PRKN: variants seen among roughly 807,000 people sequenced by gnomAD.
PRKN encodes parkin RBR E3 ubiquitin protein ligase.
PRKN carries 56 observed loss-of-function variants against 59.5 expected under a neutral mutation model. The ratio of observed to expected loss-of-function variants is 0.94; its 90% CI spans 0.76 to 1.18. PRKN has a LOEUF of 1.18. PRKN is among the 50% of genes most tolerant of loss of function. The pLI, the probability that PRKN is intolerant of heterozygous loss-of-function variation, is 0.00. For synonymous variants in PRKN, 250 were observed against 222.1 expected, an observed-to-expected ratio of 1.13 and a Z score of -1.12; for missense variants, 657 against 596.4, an observed-to-expected ratio of 1.10 and a Z score of -1.06.
intron 4 of PRKN, among the ~76,000 whole-genome samples, chr6:162,114,660 C>G (rs1373348333): frequency 6.7e-6 from 1 of 150,098 alleles, no homozygotes; most frequent in Non-Finnish European, 1.5e-5. Context: ...AAAAAACAAA[C>G]AACCCTATCA....
intron 1 of PRKN, among the ~76,000 whole-genome samples, chr6:162,622,444 A>G (rs1341526681): frequency 6.6e-6 from 1 of 151,994 alleles, no homozygotes; most frequent in Non-Finnish European, 1.5e-5. Context: ...TTGGCCTTTC[A>G]AAGTGCTAGG....
intron 2 of PRKN, among the ~76,000 whole-genome samples, chr6:162,338,668 C>G (rs554691190): frequency 1.3e-5 from 2 of 152,022 alleles, no homozygotes; most frequent in Non-Finnish European, 2.9e-5. Context: ...TCTGCCCGGC[C>G]GCCACCCTGT....
At chr6:162,188,778 G>A (rs201351596) in intron 4 of PRKN, among the ~76,000 whole-genome samples, 2 of 139,238 alleles carry the variant, frequency 1.4e-5, no homozygotes, top group Non-Finnish European at 3.1e-5. Flanking sequence ...CTTAGATTTC[G>A]TTTTTTTTTT....
At chr6:162,141,228 G>C (rs1243740900) in intron 4 of PRKN, among the ~76,000 whole-genome samples, 2 of 152,126 alleles carry the variant, frequency 1.3e-5, no homozygotes, top group Middle Eastern at 6.3e-3. Context: ...TCACGTTTTT[G>C]TAAACTTTGA....
intron 4 of PRKN, among the ~76,000 whole-genome samples, chr6:162,107,227 G>A (rs1262780060): frequency 6.6e-6 from 1 of 152,224 alleles, no homozygotes; most frequent in Non-Finnish European, 1.5e-5. Flanking sequence ...CACTTTGGGA[G>A]GCCAAAGGGG....
chr6:161,856,084 G>T (rs1036683270), intron 6 of PRKN, among the ~76,000 whole-genome samples: 1 of 152,188 alleles, frequency 6.6e-6, no homozygotes, highest in African/African-American at 2.4e-5. Context: ...GATCTGCTAG[G>T]TGCGGTGGCT....
In PRKN at chr6:162,236,001, G is replaced by GA. The variant is rs745706572; in HGVS notation, c.412+26523dup. 9.9e-5 allele frequency among the ~76,000 whole-genome samples: 12 copies of GA among 121,278 alleles called. No individual in the cohort carries two copies. In the East Asian group the frequency reaches 1.5e-3, roughly 15 times the overall value. 79.6% of individuals were successfully genotyped at this position (121,278 alleles called of 152,430 possible). On this transcript the variant is annotated intron_variant, in intron 3 of 11. Coordinates refer to ENST00000366898, the MANE Select transcript of PRKN (RefSeq NM_004562.3). ...AGAAAGAAAGAAAGAAAGAAAGAAAGAAAGAAAGAAAGAAAGAAAGAAACT... is the reference window on the plus strand; with the variant it reads ...AGAAAGAAAGAAAGAAAGAAAGAAAGAAAAGAAAGAAAGAAAGAAAGAAACT...
chr6:162,510,586 C>T (rs1300013078), intron 1 of PRKN, among the ~76,000 whole-genome samples: 1 of 152,130 alleles, frequency 6.6e-6, no homozygotes, highest in African/African-American at 2.4e-5. Flanking sequence ...AGCCTCTGTT[C>T]CCTTTTCAAT....
At chr6:161,858,725 A>ACAGAG (rs1192852738) in intron 6 of PRKN, among the ~76,000 whole-genome samples, 2 of 151,946 alleles carry the variant, frequency 1.3e-5, no homozygotes, top group Non-Finnish European at 2.9e-5. Flanking sequence ...CATGCTCCCC[A>ACAGAG]CAGAGGAGGA....
At chr6:161,590,546 A>ATG (rs1781681638) in intron 7 of PRKN, among the ~76,000 whole-genome samples, 1 of 152,150 alleles carries the variant, frequency 6.6e-6, no homozygotes, top group African/African-American at 2.4e-5. Flanking sequence ...CAGTCTGGCC[A>ATG]ACATAGTGAA....
Position 162,207,103 on chromosome 6 carries a change from T to A in PRKN, c.413-5851A>T, listed in dbSNP as rs943223544. ...AAAGATGGGGATCGGCCTGCCGCAG[T>A]GACTCAAGCCTGTAATCCCAGCACT... On this transcript the variant is annotated intron_variant, in intron 3 of 11. Transcript: ENST00000366898. Among the ~76,000 whole-genome samples the A allele has an allele frequency of 4.6e-5, 7 of 152,236 alleles. No individual in the cohort carries two copies. The South Asian group carries it at 1.5e-3, about 32-fold the overall frequency.
chr6:162,140,094 A>C (rs940570212), intron 4 of PRKN, among the ~76,000 whole-genome samples: 1 of 152,220 alleles, frequency 6.6e-6, no homozygotes, highest in Non-Finnish European at 1.5e-5. Context: ...AAAACAGTTC[A>C]GCAGAATTAG....
At chr6:161,374,380 G>A (rs1041965417) in intron 10 of PRKN, among the ~76,000 whole-genome samples, 2 of 149,992 alleles carry the variant, frequency 1.3e-5, no homozygotes, top group African/African-American at 4.9e-5. Context: ...GTGTATGTGT[G>A]GTGTATGTGG....
At chr6:162,468,920 G>A (rs1052143226) in intron 1 of PRKN, among the ~76,000 whole-genome samples, 3 of 152,042 alleles carry the variant, frequency 2.0e-5, no homozygotes, top group African/African-American at 7.2e-5. Flanking sequence ...AATAAATCAG[G>A]ATCCAAGAGA....
Position 161,552,264 on chromosome 6 carries a change from C to T in PRKN, c.934-3261G>A, listed in dbSNP as rs183315213. 0.01 allele frequency among the ~76,000 whole-genome samples: 1,535 copies of T among 150,848 alleles called. 18 individuals are homozygous for T. Among genetic ancestry groups the T allele is most frequent in the African/African-American group, 0.037 (1,473 of 40,204 alleles). Reference sequence around the variant, plus strand: ...CGGGACATCTCTCGATCACCTCTGCCTATGACTGTGAATGATCTCACGGTG... The same window carrying T: ...CGGGACATCTCTCGATCACCTCTGCTTATGACTGTGAATGATCTCACGGTG... On this transcript the variant is annotated intron_variant, in intron 8 of 11. Coordinates refer to ENST00000366898, the MANE Select transcript of PRKN (RefSeq NM_004562.3). The surrounding 1 kb of genome is among the most constrained non-coding windows in gnomAD (Gnocchi z 4.9).
At position 161,569,370 on chromosome 6, in the gene PRKN, A is replaced by G; in HGVS notation, c.918T>C (p.Ile306=). Residue 306 remains isoleucine (I), a synonymous_variant, in exon 8 of 12, where the codon ATT becomes ATC. Transcript: ENST00000366898. The stretch of plus-strand genomic sequence containing the variant: ...GCTCACTCACCTGCTCTTCTCCCAG[A>G]ATCCTGAAGTGATGGAGCTCTTTAA... ...SLIKELHHFR[I]LGEEQYNRYQ... The G allele has an allele frequency of 6.2e-7, 1 of 1,613,852 alleles. No homozygotes were observed. Among genetic ancestry groups the G allele is most frequent in the Admixed American group, 1.7e-5 (1 of 60,024 alleles).
chr6:162,548,288 A>G (rs1583776571), intron 1 of PRKN, among the ~76,000 whole-genome samples: 2 of 150,012 alleles, frequency 1.3e-5, no homozygotes. Flanking sequence ...CAATCTCTTG[A>G]CCTCATGATC....
chr6:161,863,325 T>TA (rs34638710), intron 6 of PRKN, among the ~76,000 whole-genome samples: 8,398 of 147,402 alleles, frequency 0.057, 260 homozygotes, highest in Non-Finnish European at 0.076. Flanking sequence ...TTGGATTTAT[T>TA]AAAAAAAAAA....
At chr6:161,994,013 G>A (rs534959891) in intron 5 of PRKN, among the ~76,000 whole-genome samples, 1 of 152,072 alleles carries the variant, frequency 6.6e-6, no homozygotes, top group Non-Finnish European at 1.5e-5. Flanking sequence ...CTCCCACTAG[G>A]CCCTACCTCT....
Sources: allele counts gnomAD v4.1 joint callset (sites outside exome capture counted in the v4.1 genomes callset), GRCh38; gene constraint gnomAD v4.1.1; non-coding constraint Gnocchi (gnomAD v3.1); transcripts MANE v1.5; gene names NCBI Gene and HGNC (gene_info 2026-07-23, HGNC 2026-07-21).